Variants in DOCK8 observed in about 807,000 individuals in gnomAD.
DOCK8 encodes the protein dedicator of cytokinesis protein 8.
Under a neutral mutation model 245.6 loss-of-function variants are expected in DOCK8, and 141 were observed. That is an observed-to-expected ratio of 0.57 (90% confidence interval 0.50 to 0.66). The LOEUF (loss-of-function observed/expected upper bound fraction) is 0.66, where lower values mean the gene tolerates loss of function less well. Among genes scored for constraint, DOCK8 ranks in the 30% least tolerant of loss-of-function variants. DOCK8 has a pLI of 0.00. For synonymous variants in DOCK8, 1,168 were observed against 970.2 expected (o/e 1.20, Z -3.79); for missense variants, 2,965 against 2,603.4 (o/e 1.14, Z -3.02).
intron 14 of DOCK8, among the ~76,000 whole-genome samples, chr9:359,540 T>C (rs371782544): frequency 1.3e-4 from 20 of 152,334 alleles, no homozygotes; most frequent in Admixed American, 5.2e-4. Context: ...CCTCAGCTGT[T>C]TTCCTTGCAT....
chr9:424,421 T>C (rs1025955614), intron 33 of DOCK8, among the ~76,000 whole-genome samples: 5 of 152,174 alleles, frequency 3.3e-5, no homozygotes, highest in East Asian at 3.9e-4. Flanking sequence ...TTTTCTTTTC[T>C]TTTTTTGAGA....
intron 1 of DOCK8, among the ~76,000 whole-genome samples, chr9:244,058 A>G (rs534243203): frequency 0.016 from 2,465 of 151,898 alleles, 28 homozygotes; most frequent in Non-Finnish European, 0.022. Flanking sequence ...CGTGGCGGCG[A>G]CCGCTTGTAG....
intron 45 of DOCK8, among the ~76,000 whole-genome samples, chr9:451,331 A>C (rs960910999): frequency 2.0e-5 from 3 of 151,070 alleles, no homozygotes; most frequent in African/African-American, 7.3e-5. Context: ...ATAAAAAAGA[A>C]AATAAATTTG....
At chr9:296,812 A>T (rs2049278191) in intron 4 of DOCK8, among the ~76,000 whole-genome samples, 1 of 152,194 alleles carries the variant, frequency 6.6e-6, no homozygotes. Context: ...GATGTCACAG[A>T]GCCACTCTTG....
chr9:299,750 G>A (rs974198402), intron 4 of DOCK8, among the ~76,000 whole-genome samples: 19 of 151,994 alleles, frequency 1.3e-4, no homozygotes, highest in Non-Finnish European at 1.9e-4. Context: ...GGCCGGGCGC[G>A]GTGGCACACA....
At chr9:463,447 T>C in intron 46 of DOCK8, 70 bp from the exon 47 acceptor site, 1 of 1,581,668 alleles carries the variant, frequency 6.3e-7, no homozygotes, top group Non-Finnish European at 8.6e-7. Flanking sequence ...TCGTAAGTAA[T>C]TTCATTGTTC....
intron 22 of DOCK8, 130 bp from the exon 23 acceptor site, chr9:386,201 A>G (rs2053943598): frequency 1.3e-6 from 1 of 747,156 alleles, no homozygotes; most frequent in Non-Finnish European, 2.3e-6. Flanking sequence ...TACTTATGGC[A>G]ATTGTTTTAC....
At chr9:234,187 T>C (rs1229651432) in intron 1 of DOCK8, among the ~76,000 whole-genome samples, 1 of 152,218 alleles carries the variant, frequency 6.6e-6, no homozygotes, top group Non-Finnish European at 1.5e-5. Context: ...AAATTCTGCA[T>C]TGAAAATTCT....
chr9:395,807 A>G (rs923438680), intron 24 of DOCK8, among the ~76,000 whole-genome samples: 1 of 152,144 alleles, frequency 6.6e-6, no homozygotes, highest in Admixed American at 6.6e-5. Context: ...GTAGGCATTG[A>G]GATAGTATTA....
At chr9:387,791 G>A (rs978944252) in intron 23 of DOCK8, among the ~76,000 whole-genome samples, 2 of 152,216 alleles carry the variant, frequency 1.3e-5, no homozygotes, top group African/African-American at 4.8e-5. Flanking sequence ...GCAGTGACTG[G>A]TTATAGGTAT....
chr9:326,441 C>T (rs1403400446), intron 8 of DOCK8, among the ~76,000 whole-genome samples: 3 of 152,184 alleles, frequency 2.0e-5, no homozygotes, highest in Admixed American at 2.0e-4. Flanking sequence ...CTTGAGCATG[C>T]ATCACAATCT....
At chr9:270,321 A>G (rs17720310) in intron 1 of DOCK8, among the ~76,000 whole-genome samples, 18,936 of 152,130 alleles carry the variant, frequency 0.12, 1,472 homozygotes, top group Admixed American at 0.2. Context: ...TATTCTTCCA[A>G]TCTTCTCTCC....
intron 1 of DOCK8, chr9:220,638 C>T (rs1011931756): frequency 3.0e-4 from 94 of 316,128 alleles, no homozygotes; most frequent in Admixed American, 5.8e-4. Flanking sequence ...TGCTTATTAA[C>T]GTTTGGCCTA....
At chr9:282,200 G>C (rs2048617484) in intron 2 of DOCK8, among the ~76,000 whole-genome samples, 1 of 152,132 alleles carries the variant, frequency 6.6e-6, no homozygotes, top group African/African-American at 2.4e-5. Context: ...ACAACTGCCT[G>C]TGATCCTCTG....
intron 1 of DOCK8, among the ~76,000 whole-genome samples, chr9:247,982 T>TAAAAA (rs61282524): frequency 6.9e-6 from 1 of 145,080 alleles, no homozygotes. Context: ...TTCTCTAAGT[T>TAAAAA]AAAAAAAAAA....
chr9:227,949 CA>C (rs916072923), intron 1 of DOCK8, among the ~76,000 whole-genome samples: 4 of 152,038 alleles, frequency 2.6e-5, no homozygotes, highest in African/African-American at 9.7e-5. Context: ...GATCACATGC[CA>C]AATTATGAGG....
intron 1 of DOCK8, among the ~76,000 whole-genome samples, chr9:255,962 C>T (rs537452646): frequency 1.3e-5 from 2 of 152,208 alleles, no homozygotes; most frequent in African/African-American, 4.8e-5. Context: ...AAACAAATAT[C>T]CTAATAGTTG....
intron 1 of DOCK8, among the ~76,000 whole-genome samples, chr9:245,156 C>T (rs936061971): frequency 1.3e-5 from 2 of 151,996 alleles, no homozygotes; most frequent in African/African-American, 4.8e-5. Context: ...TGTTTTCAGC[C>T]GACAGCTAGG....
intron 4 of DOCK8, among the ~76,000 whole-genome samples, chr9:295,606 T>A (rs1162086648): frequency 2.0e-5 from 3 of 152,162 alleles, no homozygotes; most frequent in African/African-American, 7.2e-5. Flanking sequence ...GGACCATACT[T>A]AGTGAAGCCA....
Sources: allele counts gnomAD v4.1 joint callset (sites outside exome capture counted in the v4.1 genomes callset), GRCh38; gene constraint gnomAD v4.1.1; transcripts MANE v1.5; gene names NCBI Gene and HGNC (gene_info 2026-07-23, HGNC 2026-07-21).